The following ICE1 variants were observed in gnomAD, a reference collection of about 807,000 sequenced individuals.
The protein encoded by ICE1 is little elongation complex subunit 1.
Under a neutral mutation model 192.7 loss-of-function variants are expected in ICE1, and 64 were observed. The ratio of observed to expected loss-of-function variants is 0.33; its 90% CI spans 0.27 to 0.41. The LOEUF (loss-of-function observed/expected upper bound fraction) is 0.41, where lower values mean the gene tolerates loss of function less well. ICE1 is among the 10% of genes least tolerant of loss of function. ICE1 has a pLI of 1.00. For synonymous variants in ICE1, 1,010 were observed against 984.5 expected, an observed-to-expected ratio of 1.03 and a Z score of -0.49; for missense variants, 2,708 against 2,696.0, an observed-to-expected ratio of 1.00 and a Z score of -0.10.
At chr5:5,425,971 T>A (rs1482841955) in intron 1 of ICE1, among the ~76,000 whole-genome samples, 1 of 152,174 alleles carries the variant, frequency 6.6e-6, no homozygotes, top group East Asian at 1.9e-4. Flanking sequence ...CCATGAGAAC[T>A]GTGGTAGATA....
intron 16 of ICE1, among the ~76,000 whole-genome samples, chr5:5,475,649 G>A (rs538655471): frequency 6.6e-6 from 1 of 152,310 alleles, no homozygotes; most frequent in East Asian, 1.9e-4. Flanking sequence ...TTTTGCACCT[G>A]GAGAGTCCAA....
At chr5:5,473,343 T>C (rs968299644) in intron 15 of ICE1, among the ~76,000 whole-genome samples, 1 of 152,246 alleles carries the variant, frequency 6.6e-6, no homozygotes, top group Non-Finnish European at 1.5e-5. Context: ...TCCTGCATCC[T>C]GCCTATATTG....
chr5:5,450,885 G>A (rs746922685), intron 10 of ICE1, among the ~76,000 whole-genome samples: 48 of 152,090 alleles, frequency 3.2e-4, no homozygotes, highest in Non-Finnish European at 5.7e-4. Flanking sequence ...TATTTTCGTC[G>A]TGAGAGACTT....
At chr5:5,453,872 G>A (rs1738503983) in intron 10 of ICE1, among the ~76,000 whole-genome samples, 1 of 152,014 alleles carries the variant, frequency 6.6e-6, no homozygotes, top group Admixed American at 6.6e-5. Flanking sequence ...AACTATTTTA[G>A]GAATTTACAT....
At chr5:5,479,180 A>C (rs1254308379) in intron 17 of ICE1, among the ~76,000 whole-genome samples, 1 of 152,168 alleles carries the variant, frequency 6.6e-6, no homozygotes, top group East Asian at 1.9e-4. Context: ...AATGGGAGAA[A>C]TTTTTTGCAA....
chr5:5,460,438 A>G lies in ICE1; in HGVS notation c.1104A>G (p.Glu368=), dbSNP rs1278727914. ...AAGTGTAATTCATATTTTTTAAGGA[A>G]ACCTACTTTGGAGAATACACAGATT... The part of the protein sequence containing the change: ...PGSLPSSFAP[E]TYFGEYTDSS... Residue 368 remains glutamate (E), a splice_region_variant and synonymous_variant, in exon 13 of 19, where the codon GAA becomes GAG. Transcript: ENST00000296564. The G allele has an allele frequency of 6.5e-7, 1 of 1,539,134 alleles. No homozygotes were observed. The highest frequency in any genetic ancestry group is 1.2e-5 in the South Asian group (1 of 81,468).
At position 5,437,154 on chromosome 5, in the gene ICE1, A is replaced by G. The variant is rs188791330; in HGVS notation, c.178+40A>G. ...GCTTTTTCTGTTGAGTTTTGGAACTAACTTATGTTTAATTCCTGAAAGAGA... is the reference window on the plus strand; with the variant it reads ...GCTTTTTCTGTTGAGTTTTGGAACTGACTTATGTTTAATTCCTGAAAGAGA... On this transcript the variant is annotated intron_variant, in intron 3 of 18. Coordinates refer to ENST00000296564, the MANE Select transcript of ICE1 (RefSeq NM_015325.3). 2.1e-6 allele frequency: 3 copies of G among 1,442,860 alleles called. No homozygotes were observed. In the African/African-American group the frequency reaches 4.2e-5, roughly 20 times the overall value. The allele number at this position is 1,442,860 out of a possible 1,614,324, so 89.4% of individuals were successfully genotyped here. A position where few individuals can be genotyped will look rare whatever the true frequency, so the allele number is the denominator to read the frequency against.
At chr5:5,455,063 T>C (rs1026642159) in intron 11 of ICE1, among the ~76,000 whole-genome samples, 4 of 152,224 alleles carry the variant, frequency 2.6e-5, no homozygotes, top group Non-Finnish European at 5.9e-5. Flanking sequence ...TTCACAGTTA[T>C]AGTCGATTTA....
chr5:5,457,873 A>G (rs1579559927), intron 12 of ICE1, 132 bp downstream of exon 12: 2 of 847,734 alleles, frequency 2.4e-6, no homozygotes, highest in East Asian at 2.4e-5. Flanking sequence ...TTAGGGGGTA[A>G]CATGAGGTTT....
At chr5:5,482,800 A>ACACACACG (rs1410758240) in intron 17 of ICE1, among the ~76,000 whole-genome samples, 13 of 151,562 alleles carry the variant, frequency 8.6e-5, no homozygotes, top group Non-Finnish European at 1.5e-4. Flanking sequence ...ACACACACAC[A>ACACACACG]CACACACACA....
At chr5:5,480,150 T>C (rs1215661570) in intron 17 of ICE1, among the ~76,000 whole-genome samples, 1 of 152,176 alleles carries the variant, frequency 6.6e-6, no homozygotes, top group African/African-American at 2.4e-5. Context: ...TCTTTGCCCC[T>C]GGGGAATATA....
intron 14 of ICE1, among the ~76,000 whole-genome samples, chr5:5,467,316 G>A (rs1355027174): frequency 6.6e-6 from 1 of 152,304 alleles, no homozygotes; most frequent in East Asian, 1.9e-4. Context: ...ACAGGCCATA[G>A]TCATATCACA....
chr5:5,448,229 G>A (rs1192137581), intron 10 of ICE1, among the ~76,000 whole-genome samples: 1 of 151,864 alleles, frequency 6.6e-6, no homozygotes, highest in African/African-American at 2.4e-5. Context: ...AATTTCCTGG[G>A]TACCAAGTAT....
intron 1 of ICE1, among the ~76,000 whole-genome samples, chr5:5,432,661 C>G (rs1057466621): frequency 1.3e-5 from 2 of 152,130 alleles, no homozygotes; most frequent in Non-Finnish European, 2.9e-5. Context: ...TCAGTTTCTC[C>G]ACATCATCAT....
At chr5:5,474,482 C>T (rs146356153) in intron 16 of ICE1, among the ~76,000 whole-genome samples, 181 of 152,106 alleles carry the variant, frequency 1.2e-3, no homozygotes, top group Non-Finnish European at 2.3e-3. Context: ...ACTCACAAAA[C>T]CTAAAGGGAA....
chr5:5,482,481 G>A (rs996312147), intron 17 of ICE1, among the ~76,000 whole-genome samples: 7 of 152,200 alleles, frequency 4.6e-5, no homozygotes, highest in African/African-American at 1.7e-4. Flanking sequence ...CCCTTCTCAG[G>A]TCTGCTGATG....
chr5:5,468,281 G>A (rs1235082827), intron 14 of ICE1, among the ~76,000 whole-genome samples: 4 of 152,206 alleles, frequency 2.6e-5, no homozygotes, highest in Admixed American at 1.3e-4. Flanking sequence ...ACGAGAGCGA[G>A]AGAAGTTTTG....
At chr5:5,439,804 A>G (rs1737984977) in intron 3 of ICE1, 91 bp from the exon 4 acceptor site, 1 of 842,348 alleles carries the variant, frequency 1.2e-6, no homozygotes, top group Non-Finnish European at 1.8e-6. Flanking sequence ...TATGTTGAAC[A>G]CAAATTATTA....
chr5:5,457,648 C>T lies in ICE1; in HGVS notation c.1008C>T (p.Phe336=). 1.9e-6 allele frequency: 3 copies of T among 1,613,956 alleles called. No homozygotes were observed. The highest frequency in any genetic ancestry group is 2.5e-6 in the Non-Finnish European group (3 of 1,179,872). Residue 336 remains phenylalanine (F), a synonymous_variant, in exon 12 of 19, where the codon TTC becomes TTT. Transcript: ENST00000296564. ...FDEDLQAAID[F]FKLPPPLLSP... is the part of the protein sequence containing the mutation. ...AAGATCTTCAAGCTGCAATTGACTT[C>T]TTCAAACTTCCCCCTCCTCTTCTGT...
Sources: allele counts gnomAD v4.1 joint callset (sites outside exome capture counted in the v4.1 genomes callset), GRCh38; gene constraint gnomAD v4.1.1; transcripts MANE v1.5; gene names NCBI Gene and HGNC (gene_info 2026-07-23, HGNC 2026-07-21).